Variants in TMEM178B observed in about 807,000 individuals in gnomAD.
TMEM178B encodes the protein transmembrane protein 178B.
TMEM178B carries 5 observed loss-of-function variants against 31.0 expected under a neutral mutation model. The observed-to-expected ratio is 0.16, with a 90% CI of 0.08 to 0.34. The LOEUF (loss-of-function observed/expected upper bound fraction) is 0.34. Ranked by LOEUF, TMEM178B falls within the 10% of genes least tolerant of loss-of-function variation. The pLI is 1.00. For missense variants in TMEM178B, 275 were observed against 400.3 expected (o/e 0.69, Z 2.67); for synonymous variants, 164 against 164.0 (o/e 1.00, Z 0.00).
intron 2 of TMEM178B, among the ~76,000 whole-genome samples, chr7:141,227,457 A>G (rs1797363597): frequency 6.6e-6 from 1 of 152,184 alleles, no homozygotes; most frequent in African/African-American, 2.4e-5. Flanking sequence ...GACATACCTT[A>G]TTCACTGAAA....
chr7:141,416,694 C>T (rs555109415), intron 2 of TMEM178B, among the ~76,000 whole-genome samples: 45 of 152,314 alleles, frequency 3.0e-4, no homozygotes, highest in African/African-American at 1.0e-3. Context: ...ACCTTGGCCT[C>T]ATTAGTGAGC....
At chr7:141,203,748 C>G (rs1328662218) in intron 1 of TMEM178B, among the ~76,000 whole-genome samples, 1 of 152,206 alleles carries the variant, frequency 6.6e-6, no homozygotes, top group Admixed American at 6.5e-5. Context: ...AGGGCTGGTC[C>G]TAGAATACCC....
intron 2 of TMEM178B, among the ~76,000 whole-genome samples, chr7:141,340,692 A>G (rs1303143108): frequency 6.6e-6 from 1 of 152,252 alleles, no homozygotes. Flanking sequence ...GAAAAACACT[A>G]AAGTAAAAAG....
At chr7:141,230,784 G>A (rs376604044) in intron 2 of TMEM178B, among the ~76,000 whole-genome samples, 2 of 152,198 alleles carry the variant, frequency 1.3e-5, no homozygotes, top group South Asian at 2.1e-4. Flanking sequence ...CTACAGATGT[G>A]CTCTACTGCA....
intron 1 of TMEM178B, among the ~76,000 whole-genome samples, chr7:141,078,672 C>T (rs928979691): frequency 3.3e-5 from 5 of 152,028 alleles, no homozygotes; most frequent in Middle Eastern, 3.4e-3. Context: ...TCGGCAGTAG[C>T]GGGAGGTAGG....
rs1356169317 is a variant in TMEM178B, at chr7:141,478,423, A to G, written c.*7637A>G. The G allele has an allele frequency of 1.3e-5, 2 of 152,172 alleles. No homozygotes were observed. Among genetic ancestry groups the G allele is most frequent in the Admixed American group, 1.3e-4 (2 of 15,276 alleles). 9.4% of individuals were successfully genotyped at this position (152,172 alleles called of 1,614,324 possible). ...CAACCCATGATTAGAGGCACCTTCA[A>G]TCCCAACTTTCCTCTCCTCTGCTGG... On this transcript the variant is annotated 3_prime_UTR_variant, in exon 4 of 4. Transcript: ENST00000565468.
chr7:141,150,278 A>C (rs1482829719), intron 1 of TMEM178B, among the ~76,000 whole-genome samples: 1 of 152,176 alleles, frequency 6.6e-6, no homozygotes, highest in Non-Finnish European at 1.5e-5. Flanking sequence ...CCTAGTTTGG[A>C]AAAAAGTATT....
At chr7:141,213,858 A>G (rs1278830308) in intron 2 of TMEM178B, among the ~76,000 whole-genome samples, 1 of 151,972 alleles carries the variant, frequency 6.6e-6, no homozygotes. Context: ...GTCACTAAAT[A>G]CTCCTGGCCT....
At position 141,171,911 on chromosome 7, in the gene TMEM178B, G is replaced by A. The variant is rs911619433; in HGVS notation, c.383-40680G>A. On this transcript the variant is annotated intron_variant, in intron 1 of 3. Coordinates refer to ENST00000565468, the MANE Select transcript of TMEM178B (RefSeq NM_001195278.2). This position sits in a 1 kb window ranked among gnomAD's most constrained non-coding sequence, Gnocchi z 4.3. ...ATGTGTGCCTTCAGGTCTTGTTGGA[G>A]CCTCTACACATTAATTCTCAACAGG... Among the ~76,000 whole-genome samples, 1 of 152,168 alleles carries A rather than the reference G, an allele frequency of 6.6e-6. No individual in the cohort carries two copies. Among genetic ancestry groups the A allele is most frequent in the Non-Finnish European group, 1.5e-5 (1 of 68,034 alleles).
At chr7:141,176,189 G>C (rs1489255747) in intron 1 of TMEM178B, among the ~76,000 whole-genome samples, 1 of 152,128 alleles carries the variant, frequency 6.6e-6, no homozygotes, top group Admixed American at 6.6e-5. Flanking sequence ...TTTTGTCAAA[G>C]GCCTTTTCTG....
intron 3 of TMEM178B, among the ~76,000 whole-genome samples, chr7:141,467,097 A>G (rs894323727): frequency 5.3e-5 from 8 of 152,010 alleles, no homozygotes; most frequent in African/African-American, 1.7e-4. Flanking sequence ...TGCCCCACAC[A>G]AGGATTCAAG....
At chr7:141,246,363 A>AT (rs1240734693) in intron 2 of TMEM178B, among the ~76,000 whole-genome samples, 2 of 152,202 alleles carry the variant, frequency 1.3e-5, no homozygotes, top group African/African-American at 4.8e-5. Flanking sequence ...TTCATTCATG[A>AT]TTTCAGCATG....
chr7:141,355,960 G>A (rs1393849631), intron 2 of TMEM178B, among the ~76,000 whole-genome samples: 2 of 152,120 alleles, frequency 1.3e-5, no homozygotes, highest in Non-Finnish European at 2.9e-5. Context: ...AACTGATAAC[G>A]TGATATTTGG....
rs932912043 is a variant in TMEM178B, at chr7:141,135,886, G to A, written c.382+61194G>A. ...GAAATAAATACCTAAGTGAAATAGA[G>A]ACTAAAAAAATACAAAGGATCAGTG... On this transcript the variant is annotated intron_variant, in intron 1 of 3. Coordinates refer to ENST00000565468, the MANE Select transcript of TMEM178B (RefSeq NM_001195278.2). Among the ~76,000 whole-genome samples, 3 of 151,760 alleles carry A rather than the reference G, an allele frequency of 2.0e-5. No homozygotes were observed. In the East Asian group the frequency reaches 5.8e-4, roughly 29 times the overall value.
At chr7:141,450,722 A>C (rs1232697293) in intron 3 of TMEM178B, among the ~76,000 whole-genome samples, 2 of 152,176 alleles carry the variant, frequency 1.3e-5, no homozygotes, top group Admixed American at 1.3e-4. Flanking sequence ...GAAGAAGATG[A>C]GCCGACAACC....
intron 2 of TMEM178B, among the ~76,000 whole-genome samples, chr7:141,303,959 G>C (rs1320986401): frequency 6.6e-6 from 1 of 152,174 alleles, no homozygotes; most frequent in Admixed American, 6.5e-5. Flanking sequence ...AGAAATGAGA[G>C]GTTCAGTGAC....
At chr7:141,169,399 T>C (rs777267117) in intron 1 of TMEM178B, among the ~76,000 whole-genome samples, 4 of 152,274 alleles carry the variant, frequency 2.6e-5, no homozygotes, top group Admixed American at 1.3e-4. Context: ...GGCTGCATAG[T>C]ATTCCATGGT....
At chr7:141,489,362 A>C in the TMEM178B span, among the ~76,000 whole-genome samples, 1 of 152,124 alleles carries the variant, frequency 6.6e-6, no homozygotes, top group Non-Finnish European at 1.5e-5. Context: ...TTTGTCCCTT[A>C]ATAATTAGCA....
At chr7:141,136,022 A>G (rs1795670403) in intron 1 of TMEM178B, among the ~76,000 whole-genome samples, 5 of 152,164 alleles carry the variant, frequency 3.3e-5, no homozygotes, top group Admixed American at 3.3e-4. Flanking sequence ...ATGAAAAAGG[A>G]GATGTCCTAG....
Sources: allele counts gnomAD v4.1 joint callset (sites outside exome capture counted in the v4.1 genomes callset), GRCh38; gene constraint gnomAD v4.1.1; non-coding constraint Gnocchi (gnomAD v3.1); transcripts MANE v1.5; gene names NCBI Gene and HGNC (gene_info 2026-07-23, HGNC 2026-07-21).